PCDHA1: variants seen among roughly 807,000 people sequenced by gnomAD.
The protein encoded by PCDHA1 is protocadherin alpha 1, also known as protocadherin alpha-1.
PCDHA1 carries 42 observed loss-of-function variants against 61.3 expected under a neutral mutation model. The ratio of observed to expected loss-of-function variants is 0.69; its 90% CI spans 0.54 to 0.89. The LOEUF is 0.89. Ranked by LOEUF, PCDHA1 falls within the 40% of genes least tolerant of loss-of-function variation. The probability of loss-of-function intolerance (pLI) is 0.00; values close to 1 mark genes in which losing one functional copy is unlikely to be tolerated. For synonymous variants in PCDHA1, 610 were observed against 553.8 expected (o/e 1.10, Z -1.43); for missense variants, 1,256 against 1,235.3 (o/e 1.02, Z -0.25).
Position 141,011,124 on chromosome 5 carries a change from G to A in PCDHA1, c.*1187G>A, listed in dbSNP as rs893951024. ...TCTCTCTTTTCTAAGAAACAATTAT[G>A]TGCACTTTGATACACAACCTTCTCT... On this transcript the variant is annotated 3_prime_UTR_variant, in exon 4 of 4. Transcript: ENST00000504120. 1 of 153,618 alleles carries A rather than the reference G, an allele frequency of 6.5e-6. No individual in the cohort carries two copies. The highest frequency in any genetic ancestry group is 2.4e-5 in the African/African-American group (1 of 41,382). 9.5% of individuals were successfully genotyped at this position (153,618 alleles called of 1,614,324 possible).
chr5:140,790,453 G>A (rs532166595), intron 1 of PCDHA1, among the ~76,000 whole-genome samples: 33 of 152,318 alleles, frequency 2.2e-4, no homozygotes, highest in African/African-American at 7.7e-4. Context: ...AGAGATTTGA[G>A]TTGATACAGA....
chr5:140,788,129 G>A lies in PCDHA1; in HGVS notation c.1839G>A (p.Pro613=). Residue 613 remains proline (P), a synonymous_variant, in exon 1 of 4, where the codon CCG becomes CCA. Transcript: ENST00000504120. ...CGTGGCTGTCCTATGAACTGCAGCC[G>A]GCAGCAGGCGGCGCGCGCATCCCGT... The part of the protein sequence containing the change: ...YNAWLSYELQ[P]AAGGARIPFR... 1 of 1,613,940 alleles carries A rather than the reference G, an allele frequency of 6.2e-7. No individual in the cohort carries two copies. Among genetic ancestry groups the A allele is most frequent in the Admixed American group, 1.7e-5 (1 of 60,000 alleles).
At chr5:140,795,258 G>A (rs539711340) in intron 1 of PCDHA1, 1 of 1,614,272 alleles carries the variant, frequency 6.2e-7, no homozygotes, top group East Asian at 2.2e-5. Flanking sequence ...TGTGCGGGCG[G>A]AGCGCGGAAT....
intron 1 of PCDHA1, chr5:140,877,906 A>G: frequency 2.1e-6 from 3 of 1,435,008 alleles, no homozygotes; most frequent in Non-Finnish European, 1.8e-6. Flanking sequence ...TTATAACTAC[A>G]TTCTCTCATT....
chr5:140,875,356 G>A (rs2055432006), intron 1 of PCDHA1: 4 of 1,446,352 alleles, frequency 2.8e-6, no homozygotes, highest in East Asian at 2.5e-5. Context: ...TGACTGTGAT[G>A]CTGGAAAAAA....
chr5:140,954,771 T>C (rs1314345691), intron 1 of PCDHA1, among the ~76,000 whole-genome samples: 2 of 152,230 alleles, frequency 1.3e-5, no homozygotes, highest in African/African-American at 4.8e-5. Context: ...AGCTCTTTAA[T>C]TTAATTAGAT....
At position 140,869,273 on chromosome 5, in the gene PCDHA1, C is replaced by A. The variant is rs782135758; in HGVS notation, c.2394+80589C>A. 1.9e-6 allele frequency: 3 copies of A among 1,613,438 alleles called. No homozygotes were observed. Among genetic ancestry groups the A allele is most frequent in the African/African-American group, 2.7e-5 (2 of 74,920 alleles). On this transcript the variant is annotated intron_variant, in intron 1 of 3. Transcript: ENST00000504120. ...GCGCAGGACCTGGGGCTGGAGCTGG[C>A]GGAGCTGGTGCAGCGCCTGTTCCGG...
chr5:140,792,904 C>G (rs890599753), intron 1 of PCDHA1, among the ~76,000 whole-genome samples: 18 of 152,184 alleles, frequency 1.2e-4, no homozygotes, highest in Admixed American at 1.0e-3. Flanking sequence ...CATGCCATGA[C>G]CTCCACTTTT....
chr5:140,875,028 G>C (rs1321534427), intron 1 of PCDHA1, among the ~76,000 whole-genome samples: 1 of 152,198 alleles, frequency 6.6e-6, no homozygotes, highest in Non-Finnish European at 1.5e-5. Flanking sequence ...CTGGCCTACT[G>C]TATTTGAAAG....
At chr5:140,926,438 G>A (rs2083248814) in intron 1 of PCDHA1, 1 of 154,646 alleles carries the variant, frequency 6.5e-6, no homozygotes, top group African/African-American at 2.4e-5. Flanking sequence ...TTAAGATCTG[G>A]GCAGCCTCAG....
At chr5:140,908,179 C>T (rs1158845408) in intron 1 of PCDHA1, among the ~76,000 whole-genome samples, 1 of 152,194 alleles carries the variant, frequency 6.6e-6, no homozygotes, top group Non-Finnish European at 1.5e-5. Context: ...CAGCTGTCCA[C>T]TTTCAGGTGG....
At chr5:140,989,839 AGT>A (rs1161936815) in intron 3 of PCDHA1, among the ~76,000 whole-genome samples, 2 of 152,166 alleles carry the variant, frequency 1.3e-5, no homozygotes, top group Non-Finnish European at 2.9e-5. Context: ...CCTGTCAATG[AGT>A]GTGTGGACTG....
chr5:140,808,975 G>A lies in PCDHA1; in HGVS notation c.2394+20291G>A, dbSNP rs1764322859. 1.9e-6 allele frequency: 3 copies of A among 1,613,626 alleles called. No homozygotes were observed. The East Asian group carries it at 6.7e-5, about 36-fold the overall frequency. The stretch of plus-strand genomic sequence containing the variant: ...GCCACGTGGTGGCAAAGGTGCGCGC[G>A]GTGGATGCTGACTCGGGCTACAACG... On this transcript the variant is annotated intron_variant, in intron 1 of 3. Transcript: ENST00000504120.
At chr5:140,797,197 G>A (rs1554120333) in intron 1 of PCDHA1, 2 of 1,614,192 alleles carry the variant, frequency 1.2e-6, no homozygotes, top group Non-Finnish European at 1.7e-6. Flanking sequence ...CTCCAGCGCC[G>A]TGGGGAGCTG....
Position 140,838,427 on chromosome 5 carries a change from A to T in PCDHA1, c.2394+49743A>T, listed in dbSNP as rs1775725974. The stretch of plus-strand genomic sequence containing the variant: ...GAGTGAGCCACCGCATCCGGCCTAA[A>T]TTATATATTGGGTTTTGTGGCATAT... On this transcript the variant is annotated intron_variant, in intron 1 of 3. Coordinates refer to ENST00000504120, the MANE Select transcript of PCDHA1 (RefSeq NM_018900.4). Among the ~76,000 whole-genome samples the T allele has an allele frequency of 2.0e-5, 3 of 151,540 alleles. No individual in the cohort carries two copies. The South Asian group carries it at 6.2e-4, about 32-fold the overall frequency.
Position 140,786,960 on chromosome 5 carries a change from G to A in PCDHA1, c.670G>A (p.Gly224Ser). ...TGATGGGGGCAAACCGGAGCTGCAA[G>A]GTACAGTTGAGCTGCTGATCACCGT... ...ATDGGKPELQ[G>S]TVELLITVLD... Residue 224 changes from glycine to serine, a missense_variant, in exon 1 of 4, where the codon GGT becomes AGT. Transcript: ENST00000504120. 6.2e-7 allele frequency: 1 copy of A among 1,614,170 alleles called. No individual in the cohort carries two copies. The highest frequency in any genetic ancestry group is 8.5e-7 in the Non-Finnish European group (1 of 1,180,036).
chr5:140,884,323 C>G (rs1554181434), intron 1 of PCDHA1: 10 of 1,613,816 alleles, frequency 6.2e-6, no homozygotes, highest in Non-Finnish European at 8.5e-6. Context: ...CGTCGGCAGG[C>G]GCTGTGGGTC....
At chr5:140,963,275 A>G (rs2095752915) in intron 1 of PCDHA1, among the ~76,000 whole-genome samples, 1 of 152,160 alleles carries the variant, frequency 6.6e-6, no homozygotes, top group Non-Finnish European at 1.5e-5. Flanking sequence ...AAATGTATGT[A>G]AGATTTTATA....
intron 1 of PCDHA1, among the ~76,000 whole-genome samples, chr5:140,973,624 A>G (rs2096595807): frequency 6.6e-6 from 1 of 152,204 alleles, no homozygotes; most frequent in African/African-American, 2.4e-5. Flanking sequence ...CTGTTTCTGT[A>G]TCTTGTACAC....
Sources: gnomAD v4.1 joint callset for allele counts (sites outside exome capture counted in the v4.1 genomes callset) on GRCh38, gnomAD v4.1.1 for gene constraint, MANE v1.5 for transcripts, NCBI Gene and HGNC (gene_info 2026-07-23, HGNC 2026-07-21) for gene names.